SRRM3: variants seen among roughly 807,000 people sequenced by gnomAD.
The protein encoded by SRRM3 is serine/arginine repetitive matrix 3.
In SRRM3, 27 loss-of-function variants were observed where a neutral mutation model predicts 66.2. The ratio of observed to expected loss-of-function variants is 0.41; its 90% CI spans 0.30 to 0.56. The LOEUF is 0.56. SRRM3 is among the 20% of genes least tolerant of loss of function. The pLI, the probability that SRRM3 is intolerant of heterozygous loss-of-function variation, is 0.32. For missense variants in SRRM3, 918 were observed against 991.9 expected (o/e 0.93, Z 1.00); for synonymous variants, 391 against 414.9 (o/e 0.94, Z 0.70).
chr7:76,239,809 G>A (rs538884005), intron 2 of SRRM3, among the ~76,000 whole-genome samples: 2 of 152,282 alleles, frequency 1.3e-5, no homozygotes, highest in African/African-American at 4.8e-5. Flanking sequence ...GCAGGCCAAG[G>A]CAGAAGGTTT....
At chr7:76,241,242 G>C (rs1801287911) in intron 2 of SRRM3, among the ~76,000 whole-genome samples, 1 of 152,188 alleles carries the variant, frequency 6.6e-6, no homozygotes, top group Non-Finnish European at 1.5e-5. Flanking sequence ...ATGCTAGCCA[G>C]CCTTCCTGCA....
chr7:76,270,345 T>C (rs1431610527), intron 11 of SRRM3, among the ~76,000 whole-genome samples: 1 of 152,068 alleles, frequency 6.6e-6, no homozygotes. Flanking sequence ...TGAAGGCACC[T>C]GGCAGAGTTT....
intron 1 of SRRM3, among the ~76,000 whole-genome samples, chr7:76,218,962 C>A (rs889985817): frequency 1.3e-5 from 2 of 152,242 alleles, no homozygotes; most frequent in African/African-American, 2.4e-5. Flanking sequence ...TCAAGCAATT[C>A]TCCTGCCTCA....
chr7:76,215,428 G>T lies in SRRM3; in HGVS notation c.-40+13361G>T, dbSNP rs185893477. ...TTTTTTTTTTTTTTTTTTAGACAGG[G>T]TCTGGCTCTGTTGCCCAGAATGGAG... On this transcript the variant is annotated intron_variant, in intron 1 of 14. Coordinates refer to ENST00000611745, the MANE Select transcript of SRRM3 (RefSeq NM_001110199.3). Among the ~76,000 whole-genome samples, 1,133 of 142,526 alleles carry T rather than the reference G, an allele frequency of 7.9e-3. 20 individuals carry two copies. The highest frequency in any genetic ancestry group is 0.036 in the Admixed American group (496 of 13,782). 93.5% of individuals were successfully genotyped at this position (142,526 alleles called of 152,430 possible).
intron 1 of SRRM3, among the ~76,000 whole-genome samples, chr7:76,226,248 G>A (rs1800861947): frequency 6.6e-6 from 1 of 152,236 alleles, no homozygotes; most frequent in African/African-American, 2.4e-5. Flanking sequence ...TCCACACCCA[G>A]GCTTGCTCAG....
chr7:76,223,326 T>G (rs1391790792), intron 1 of SRRM3, among the ~76,000 whole-genome samples: 1 of 152,124 alleles, frequency 6.6e-6, no homozygotes, highest in Non-Finnish European at 1.5e-5. Flanking sequence ...ATATAAAGTG[T>G]TCAAGGCTGG....
rs149846189 is a variant in SRRM3 at position 76,261,950 on chromosome 7, G to T, written c.674+369G>T. Among the ~76,000 whole-genome samples the T allele has an allele frequency of 1.3e-3, 199 of 151,824 alleles. 9 individuals are homozygous for T. In the South Asian group the frequency reaches 0.037, roughly 29 times the overall value. On this transcript the variant is annotated intron_variant, in intron 8 of 14. Transcript: ENST00000611745. ...AGGCAGGAGGACCTCTGTGAGCTGG[G>T]AGGGCTCCATGGATAGGAGGCAGGG...
At chr7:76,249,676 A>T (rs980528341) in intron 3 of SRRM3, among the ~76,000 whole-genome samples, 2 of 152,176 alleles carry the variant, frequency 1.3e-5, no homozygotes, top group Non-Finnish European at 2.9e-5. Context: ...AGCGTTGCTG[A>T]ATCCACTCAG....
chr7:76,266,268 ATT>A (rs1583927427), intron 10 of SRRM3, among the ~76,000 whole-genome samples: 93 of 119,854 alleles, frequency 7.8e-4, no homozygotes, highest in South Asian at 1.4e-3. Context: ...ATATATTTAT[ATT>A]TAATTATATT....
At chr7:76,234,198 T>C (rs569909572) in intron 1 of SRRM3, among the ~76,000 whole-genome samples, 2 of 150,942 alleles carry the variant, frequency 1.3e-5, no homozygotes, top group South Asian at 4.2e-4. Context: ...CCTTGGAGTG[T>C]GTGTGTGTGT....
Position 76,285,760 on chromosome 7 carries a change from A to G in SRRM3, c.1879A>G (p.Thr627Ala). ...GAGCTACAGCAGTCGCAGCCATGGG[A>G]CCCGCAGCCGGACACGCAGCCCCTC... ...HGSYSSRSHG[T>A]RSRTRSPSRT... The change falls in exon 15 of 15, where the codon ACC (threonine) becomes GCC (alanine). Residue 627 changes from threonine to alanine, a missense_variant. Thr to Ala is a moderately conservative substitution (Grantham distance 58). Transcript: ENST00000611745. The surrounding 1 kb of genome is among the most constrained non-coding windows in gnomAD (Gnocchi z 4.1). The G allele has an allele frequency of 1.9e-6, 3 of 1,550,518 alleles. No individual in the cohort carries two copies. The highest frequency in any genetic ancestry group is 1.2e-5 in the South Asian group (1 of 84,004).
At chr7:76,273,673 GT>G (rs1802267386) in intron 11 of SRRM3, 1 of 152,184 alleles carries the variant, frequency 6.6e-6, no homozygotes, top group African/African-American at 2.4e-5. Context: ...TTTGAATGTG[GT>G]TTTCTTTCTC....
intron 1 of SRRM3, among the ~76,000 whole-genome samples, chr7:76,217,649 G>GC (rs1800602714): frequency 6.6e-6 from 1 of 152,134 alleles, no homozygotes; most frequent in South Asian, 2.1e-4. Flanking sequence ...TAATGTCAGA[G>GC]CCCACCACTG....
chr7:76,265,378 C>A lies in SRRM3; in HGVS notation c.740C>A (p.Ser247Tyr). The A allele has an allele frequency of 6.3e-7, 1 of 1,599,094 alleles. No individual in the cohort carries two copies. The highest frequency in any genetic ancestry group is 8.5e-7 in the Non-Finnish European group (1 of 1,173,424). Residue 247 changes from serine (S) to tyrosine (Y), a missense_variant, in exon 10 of 15, where the codon TCC becomes TAC. Physicochemically the swap from Ser to Tyr is moderately radical, Grantham distance 144. Transcript: ENST00000611745. Reference protein sequence around the residue: ...NKEKKRPHTESPGRRSHRHSS... With the variant: ...NKEKKRPHTEYPGRRSHRHSS... ...ATCCACGCCAGGCCTCACACAGAGTCCCCAGGCCGGAGGTCTCATCGCCAT... is the reference window on the plus strand; with the variant it reads ...ATCCACGCCAGGCCTCACACAGAGTACCCAGGCCGGAGGTCTCATCGCCAT...
chr7:76,238,230 G>C (rs187727251), intron 2 of SRRM3, among the ~76,000 whole-genome samples: 50 of 152,300 alleles, frequency 3.3e-4, no homozygotes, highest in African/African-American at 1.1e-3. Flanking sequence ...GCTGTTCTGA[G>C]AGTCCTCCGT....
intron 1 of SRRM3, among the ~76,000 whole-genome samples, chr7:76,230,752 C>CTT (rs782632581): frequency 2.4e-5 from 2 of 83,664 alleles, no homozygotes; most frequent in Non-Finnish European, 2.3e-5. Flanking sequence ...CTTTTACTTA[C>CTT]TTTTTTTTTT....
chr7:76,283,221 G>C (rs549940664), intron 14 of SRRM3, 120 bp downstream of exon 14: 45 of 1,181,194 alleles, frequency 3.8e-5, no homozygotes, highest in South Asian at 8.0e-5. Flanking sequence ...ACGGGGATGG[G>C]GGGGGGTGCT....
chr7:76,267,102 C>T (rs1264780935), intron 10 of SRRM3, among the ~76,000 whole-genome samples, 156 bp from the exon 11 acceptor site: 5 of 152,168 alleles, frequency 3.3e-5, no homozygotes, highest in Non-Finnish European at 7.3e-5. Flanking sequence ...CCTGGTCAAG[C>T]CCTCTCTAAG....
At chr7:76,260,725 G>A (rs1014138823) in intron 5 of SRRM3, 149 bp from the exon 6 acceptor site, 4 of 718,684 alleles carry the variant, frequency 5.6e-6, no homozygotes, top group African/African-American at 3.6e-5. Context: ...ACACTAGTGC[G>A]AGTGGCCCTG....
Sources: allele counts gnomAD v4.1 joint callset (sites outside exome capture counted in the v4.1 genomes callset), GRCh38; gene constraint gnomAD v4.1.1; non-coding constraint Gnocchi (gnomAD v3.1); transcripts MANE v1.5; gene names NCBI Gene and HGNC (gene_info 2026-07-23, HGNC 2026-07-21).